PSMD12: variants seen among roughly 807,000 people sequenced by gnomAD.
PSMD12 encodes 26S proteasome non-ATPase regulatory subunit 12.
A neutral mutation model predicts 62.9 loss-of-function variants in PSMD12; 8 were observed. The ratio of observed to expected loss-of-function variants is 0.13; its 90% CI spans 0.07 to 0.23. The LOEUF is 0.23. Among genes scored for constraint, PSMD12 ranks in the 10% least tolerant of loss-of-function variants. PSMD12 has a pLI of 1.00. For missense variants in PSMD12, 424 were observed against 550.2 expected (o/e 0.77, Z 2.29); for synonymous variants, 173 against 187.4 (o/e 0.92, Z 0.63).
rs879181188 is a variant in PSMD12 at position 67,348,790 on chromosome 17, G to A, written c.406-136C>T. On this transcript the variant is annotated intron_variant, in intron 4 of 10. Coordinates refer to ENST00000356126, the MANE Select transcript of PSMD12 (RefSeq NM_002816.5). ...AGGCAGGAGGATCGCTTGAGTCCAGGAGTTTGAGACCAGCCTGGGAAACAT... is the reference window on the plus strand; with the variant it reads ...AGGCAGGAGGATCGCTTGAGTCCAGAAGTTTGAGACCAGCCTGGGAAACAT... 1.8e-5 allele frequency: 12 copies of A among 670,218 alleles called. No individual in the cohort carries two copies. In the South Asian group the frequency reaches 2.1e-4, roughly 12 times the overall value. The allele number at this position is 670,218 out of a possible 1,614,324, so 41.5% of individuals were successfully genotyped here.
chr17:67,347,201 T>G lies in PSMD12; in HGVS notation c.710A>C (p.Glu237Ala). Residue 237 changes from glutamate to alanine, a missense_variant, in exon 7 of 11, where the codon GAG becomes GCG. Glu to Ala is a moderately radical substitution (Grantham distance 107). Coordinates refer to ENST00000356126, the MANE Select transcript of PSMD12 (RefSeq NM_002816.5). Reference sequence around the variant, plus strand: ...CTTACAAATAGACAAATAGGATCCCTCATGTTGATCCAGCTGAATCATTAA... The same window carrying G: ...CTTACAAATAGACAAATAGGATCCCGCATGTTGATCCAGCTGAATCATTAA... The part of the protein sequence containing the change: ...YNLMIQLDQH[E>A]GSYLSICKHY... The G allele has an allele frequency of 2.5e-6, 4 of 1,613,616 alleles. No homozygotes were observed. The highest frequency in any genetic ancestry group is 3.4e-6 in the Non-Finnish European group (4 of 1,179,640).
At chr17:67,354,188 G>C (rs1308363760) in intron 3 of PSMD12, among the ~76,000 whole-genome samples, 1 of 152,152 alleles carries the variant, frequency 6.6e-6, no homozygotes, top group Non-Finnish European at 1.5e-5. Flanking sequence ...GCAAAGGCAG[G>C]AGGACTGCTT....
chr17:67,345,975 C>A lies in PSMD12; in HGVS notation c.796-118G>T. ...TTCAAATTTTAAAGTCTTGGCCGGG[C>A]GCAGTGGCTCACGTCTGTAATCCCA... On this transcript the variant is annotated intron_variant, in intron 7 of 10. Coordinates refer to ENST00000356126, the MANE Select transcript of PSMD12 (RefSeq NM_002816.5). The A allele has an allele frequency of 7.7e-6, 7 of 907,644 alleles. No homozygotes were observed. In the South Asian group the frequency reaches 1.0e-4, roughly 14 times the overall value. 56.2% of individuals were successfully genotyped at this position (907,644 alleles called of 1,614,324 possible). A position where few individuals can be genotyped will look rare whatever the true frequency, so the allele number is the denominator to read the frequency against.
chr17:67,348,750 C>A, intron 4 of PSMD12, 96 bp from the exon 5 acceptor site: 2 of 1,040,346 alleles, frequency 1.9e-6, no homozygotes, highest in East Asian at 2.5e-5. Flanking sequence ...GTAATCCTGA[C>A]ATTTTGGAAG....
chr17:67,341,239 TG>T (rs1353627362), intron 10 of PSMD12, among the ~76,000 whole-genome samples, 187 bp from the exon 11 acceptor site: 1 of 151,904 alleles, frequency 6.6e-6, no homozygotes, highest in East Asian at 1.9e-4. Context: ...GAGGCTGAAT[TG>T]GGTGAATCAC....
Position 67,354,975 on chromosome 17 carries a change from G to A in PSMD12, c.297+2328C>T, listed in dbSNP as rs574445883. On this transcript the variant is annotated intron_variant, in intron 3 of 10. Transcript: ENST00000356126. ...ACTGCACTCCAGCCTGGGGGACAGAGCAAGACTGTCTCAAATAAATAAATA... is the reference window on the plus strand; with the variant it reads ...ACTGCACTCCAGCCTGGGGGACAGAACAAGACTGTCTCAAATAAATAAATA... Among the ~76,000 whole-genome samples, 3 of 152,186 alleles carry A rather than the reference G, an allele frequency of 2.0e-5. No homozygotes were observed. The East Asian group carries it at 5.8e-4, about 29-fold the overall frequency.
chr17:67,363,275 C>A (rs1333406411), intron 1 of PSMD12, among the ~76,000 whole-genome samples: 1 of 152,162 alleles, frequency 6.6e-6, no homozygotes, highest in Non-Finnish European at 1.5e-5. Flanking sequence ...CCTCAGCCTC[C>A]AGAGTAGCTG....
At chr17:67,361,907 AAAG>A (rs2042132879) in intron 1 of PSMD12, among the ~76,000 whole-genome samples, 1 of 90,620 alleles carries the variant, frequency 1.1e-5, no homozygotes. Context: ...AAAAAAAAAA[AAAG>A]GAAGGAAGGA....
At position 67,347,101 on chromosome 17, in the gene PSMD12, C is replaced by G. The variant is rs751250090; in HGVS notation, c.795+15G>C. 3.2e-6 allele frequency: 5 copies of G among 1,565,714 alleles called. No individual in the cohort carries two copies. The highest frequency in any genetic ancestry group is 4.3e-6 in the Non-Finnish European group (5 of 1,156,700). Reference sequence around the variant, plus strand: ...TGAATAAGAAGCCATGTCAATTACACGAATATATTCTTACCTGCTGCCATT... The same window carrying G: ...TGAATAAGAAGCCATGTCAATTACAGGAATATATTCTTACCTGCTGCCATT... On this transcript the variant is annotated intron_variant, in intron 7 of 10. Coordinates refer to ENST00000356126, the MANE Select transcript of PSMD12 (RefSeq NM_002816.5).
intron 3 of PSMD12, 76 bp downstream of exon 3, chr17:67,357,227 A>C: frequency 2.0e-6 from 3 of 1,484,224 alleles, no homozygotes; most frequent in Non-Finnish European, 2.7e-6. Flanking sequence ...TTTTAAACAG[A>C]CTTATAGAAG....
chr17:67,346,413 A>AT (rs1258979009), intron 7 of PSMD12, among the ~76,000 whole-genome samples: 1 of 150,586 alleles, frequency 6.6e-6, no homozygotes, highest in Non-Finnish European at 1.5e-5. Flanking sequence ...AGAAAAAAAA[A>AT]AATTAGCTGG....
At chr17:67,343,310 T>C (rs1231368449) in intron 9 of PSMD12, among the ~76,000 whole-genome samples, 1 of 152,216 alleles carries the variant, frequency 6.6e-6, no homozygotes, top group Non-Finnish European at 1.5e-5. Flanking sequence ...ATGGCTGCAT[T>C]CTATTGATTT....
At chr17:67,351,776 T>C (rs942498136) in intron 3 of PSMD12, among the ~76,000 whole-genome samples, 9 of 151,882 alleles carry the variant, frequency 5.9e-5, no homozygotes, top group African/African-American at 2.2e-4. Context: ...TCAGCGTCTG[T>C]TATTTCCACC....
chr17:67,345,907 CTT>C (rs747129029), intron 7 of PSMD12, 50 bp from the exon 8 acceptor site: 6 of 1,490,026 alleles, frequency 4.0e-6, no homozygotes, highest in Non-Finnish European at 5.6e-6. Flanking sequence ...ATAATGGAAA[CTT>C]TGACAAAAAC....
At chr17:67,356,275 C>A (rs2042070549) in intron 3 of PSMD12, among the ~76,000 whole-genome samples, 1 of 151,440 alleles carries the variant, frequency 6.6e-6, no homozygotes, top group Non-Finnish European at 1.5e-5. Flanking sequence ...AGCTGTTTTG[C>A]AAAAAAATCA....
intron 3 of PSMD12, among the ~76,000 whole-genome samples, chr17:67,353,631 CT>C (rs1466083312): frequency 3.3e-5 from 5 of 152,102 alleles, no homozygotes; most frequent in African/African-American, 1.2e-4. Context: ...CTTAAAGCTA[CT>C]TTCTAAGTCT....
In PSMD12 at chr17:67,350,232, G is replaced by T. The variant is rs774683042; in HGVS notation, c.402C>A (p.Gly134=). 47 of 1,596,292 alleles carry T rather than the reference G, an allele frequency of 2.9e-5. No homozygotes were observed. The highest frequency in any genetic ancestry group is 3.8e-5 in the Non-Finnish European group (45 of 1,170,664). Residue 134 remains glycine (G), a synonymous_variant, in exon 4 of 11, where the codon GGC becomes GGA. Coordinates refer to ENST00000356126, the MANE Select transcript of PSMD12 (RefSeq NM_002816.5). ...GTTATGTCAACAGAAAATTTACCTT[G>T]CCTTCGGTAACCATTCGTAGAGTAT... ...LIDTLRMVTE[G]KIYVEIERAR... is the part of the protein sequence containing the mutation.
intron 1 of PSMD12, among the ~76,000 whole-genome samples, chr17:67,363,196 GGGT>G (rs1434789544): frequency 6.6e-6 from 1 of 151,970 alleles, no homozygotes; most frequent in Non-Finnish European, 1.5e-5. Context: ...CTGTTGCCCA[GGGT>G]TCAGTGCAGT....
intron 3 of PSMD12, among the ~76,000 whole-genome samples, chr17:67,353,857 A>G (rs192424920): frequency 3.3e-5 from 5 of 152,296 alleles, no homozygotes; most frequent in African/African-American, 4.8e-5. Context: ...GCCTTCCCCA[A>G]TAAATCTAAC....
Sources: allele counts gnomAD v4.1 joint callset (sites outside exome capture counted in the v4.1 genomes callset), GRCh38; gene constraint gnomAD v4.1.1; transcripts MANE v1.5; gene names NCBI Gene and HGNC (gene_info 2026-07-23, HGNC 2026-07-21).